PCDHGC3: variants seen among roughly 807,000 people sequenced by gnomAD.
The protein encoded by PCDHGC3 is protocadherin gamma subfamily C, 3.
PCDHGC3 carries 26 observed loss-of-function variants against 59.2 expected under a neutral mutation model. The ratio of observed to expected loss-of-function variants is 0.44; its 90% CI spans 0.32 to 0.61. The LOEUF is 0.61. Among genes scored for constraint, PCDHGC3 ranks in the 20% least tolerant of loss-of-function variants. The pLI, the probability that PCDHGC3 is intolerant of heterozygous loss-of-function variation, is 0.05. For missense variants in PCDHGC3, 1,080 were observed against 1,221.8 expected, an observed-to-expected ratio of 0.88 and a Z score of 1.73; for synonymous variants, 487 against 519.7, an observed-to-expected ratio of 0.94 and a Z score of 0.86.
chr5:141,478,332 G>A lies in PCDHGC3; in HGVS notation c.2216G>A (p.Gly739Glu), dbSNP rs773442842. 1 of 1,613,924 alleles carries A rather than the reference G, an allele frequency of 6.2e-7. No individual in the cohort carries two copies. The highest frequency in any genetic ancestry group is 8.5e-7 in the Non-Finnish European group (1 of 1,180,024). Residue 739 changes from glycine (G) to glutamate (E), a missense_variant, in exon 1 of 4, where the codon GGG becomes GAG. Transcript: ENST00000308177. ...GTGAGCTCACTGTACCGAACACCAG[G>A]GCCCTCCTTGCACGCGGACGCCGTG... Reference protein sequence around the residue: ...APVSSLYRTPGPSLHADAVRG... With the variant: ...APVSSLYRTPEPSLHADAVRG...
At position 141,500,368 on chromosome 5, in the gene PCDHGC3, C is replaced by T. The variant is rs181410708; in HGVS notation, c.2490-5025C>T. Among the ~76,000 whole-genome samples, 364 of 152,050 alleles carry T rather than the reference C, an allele frequency of 2.4e-3. 3 individuals carry two copies. The highest frequency in any genetic ancestry group is 9.2e-3 in the Admixed American group (140 of 15,274). ...GGACTACAGGCGCCCACTACCACGCCCGGCTAATTATTTTGTATTTTTAGT... is the reference window on the plus strand; with the variant it reads ...GGACTACAGGCGCCCACTACCACGCTCGGCTAATTATTTTGTATTTTTAGT... On this transcript the variant is annotated intron_variant, in intron 2 of 3. Transcript: ENST00000308177.
chr5:141,495,603 C>T (rs2099762369), intron 2 of PCDHGC3, among the ~76,000 whole-genome samples: 1 of 152,238 alleles, frequency 6.6e-6, no homozygotes, highest in Non-Finnish European at 1.5e-5. Flanking sequence ...TAGCTTCCGT[C>T]TTGATTGCTG....
intron 2 of PCDHGC3, among the ~76,000 whole-genome samples, chr5:141,497,894 A>AG (rs1562181617): frequency 2.0e-5 from 3 of 152,186 alleles, no homozygotes; most frequent in Admixed American, 6.5e-5. Context: ...GATCTAGTCC[A>AG]GTAACTTCAA....
Position 141,478,045 on chromosome 5 carries a change from T to A in PCDHGC3, c.1929T>A (p.Thr643=). ...PVQDTDSPRQ[T]LTVLIKDNGE... ...AAGACACAGATTCACCCAGGCAGAC[T>A]CTCACGGTCTTGATCAAAGACAATG... is the stretch of plus-strand genomic sequence containing the variant. The change falls in exon 1 of 4, where the codon ACT becomes ACA. Residue 643 remains threonine, a synonymous_variant. Transcript: ENST00000308177. 1 of 1,614,144 alleles carries A rather than the reference T, an allele frequency of 6.2e-7. No individual in the cohort carries two copies. Among genetic ancestry groups the A allele is most frequent in the Non-Finnish European group, 8.5e-7 (1 of 1,180,026 alleles).
intron 1 of PCDHGC3, among the ~76,000 whole-genome samples, chr5:141,482,793 C>T (rs900216099): frequency 3.9e-5 from 5 of 128,974 alleles, no homozygotes; most frequent in Non-Finnish European, 8.1e-5. Flanking sequence ...TGTGTGTGGC[C>T]GGGTACGGTG....
intron 2 of PCDHGC3, among the ~76,000 whole-genome samples, chr5:141,502,866 C>CTCTTTTTTT (rs1554188502): frequency 7.8e-6 from 1 of 128,046 alleles, no homozygotes; most frequent in African/African-American, 3.1e-5. Context: ...GACTCTCTGT[C>CTCTTTTTTT]TTTTTTTTTT....
At chr5:141,498,222 T>A (rs1258826914) in intron 2 of PCDHGC3, among the ~76,000 whole-genome samples, 1 of 152,218 alleles carries the variant, frequency 6.6e-6, no homozygotes, top group East Asian at 1.9e-4. Flanking sequence ...GCATTCCAGA[T>A]GGTCAGGCAT....
chr5:141,510,229 C>T (rs904367594), intron 3 of PCDHGC3, among the ~76,000 whole-genome samples: 3 of 150,486 alleles, frequency 2.0e-5, no homozygotes, highest in African/African-American at 7.4e-5. Context: ...GCCGGGATCG[C>T]GCCACTGCAC....
At position 141,503,509 on chromosome 5, in the gene PCDHGC3, G is replaced by A. The variant is rs373282648; in HGVS notation, c.2490-1884G>A. ...AGCTGCTCAAGAGGCTGAGGCAGGA[G>A]AATCACTTGAACCTGGGAGGCAGAG... On this transcript the variant is annotated intron_variant, in intron 2 of 3. Transcript: ENST00000308177. Among the ~76,000 whole-genome samples the A allele has an allele frequency of 9.4e-5, 14 of 149,410 alleles. No individual in the cohort carries two copies. The South Asian group carries it at 1.5e-3, about 16-fold the overall frequency.
Position 141,476,512 on chromosome 5 carries a change from T to C in PCDHGC3, c.396T>C (p.Asn132=), listed in dbSNP as rs1171240377. ...TGATCCAGGACATCAACGACAACAA[T>C]CCTGCTTTCCCTACCCAGGAAATGA... ...EVVIQDINDN[N]PAFPTQEMKL... is the part of the protein sequence containing the mutation. The change falls in exon 1 of 4, where the codon AAT becomes AAC. Residue 132 remains asparagine (N), a synonymous_variant. Transcript: ENST00000308177. This position sits in a 1 kb window ranked among gnomAD's most constrained non-coding sequence, Gnocchi z 7.6. The C allele has an allele frequency of 6.2e-7, 1 of 1,613,642 alleles. No homozygotes were observed. Among genetic ancestry groups the C allele is most frequent in the Non-Finnish European group, 8.5e-7 (1 of 1,179,940 alleles).
Position 141,490,916 on chromosome 5 carries a change from A to C in PCDHGC3, c.2431-3891A>C. 1 of 1,613,724 alleles carries C rather than the reference A, an allele frequency of 6.2e-7. No homozygotes were observed. Among genetic ancestry groups the C allele is most frequent in the Non-Finnish European group, 8.5e-7 (1 of 1,179,736 alleles). ...CATGTGTTTGTCCTAGACGAGAATG[A>C]TAATGCCCCAGCTGTGCTGCACCCA... is the stretch of plus-strand genomic sequence containing the variant. On this transcript the variant is annotated intron_variant, in intron 1 of 3. Transcript: ENST00000308177. This position sits in a 1 kb window ranked among gnomAD's most constrained non-coding sequence, Gnocchi z 5.4.
In PCDHGC3 at chr5:141,485,433, A is replaced by G. The variant is rs2099613324; in HGVS notation, c.2430+6887A>G. On this transcript the variant is annotated intron_variant, in intron 1 of 3. Transcript: ENST00000308177. The surrounding 1 kb of genome is among the most constrained non-coding windows in gnomAD (Gnocchi z 5.7). The stretch of plus-strand genomic sequence containing the variant: ...TTGGACAGCGGAGCCCTGCTCATCA[A>G]GAACCCAATCGACCGAGAGGCACTG... 6 of 1,614,208 alleles carry G rather than the reference A, an allele frequency of 3.7e-6. No homozygotes were observed. Among genetic ancestry groups the G allele is most frequent in the Non-Finnish European group, 5.1e-6 (6 of 1,180,030 alleles).
chr5:141,489,253 A>T lies in PCDHGC3; in HGVS notation c.2431-5554A>T. 1 of 1,547,506 alleles carries T rather than the reference A, an allele frequency of 6.5e-7. No individual in the cohort carries two copies. The highest frequency in any genetic ancestry group is 2.3e-5 in the East Asian group (1 of 44,418). ...GGACTTCTGGGTCATGGGGCCCAAG[A>T]CACTCCCACAGCTCGCTGGGAAATG... On this transcript the variant is annotated intron_variant, in intron 1 of 3. Coordinates refer to ENST00000308177, the MANE Select transcript of PCDHGC3 (RefSeq NM_002588.4). This position sits in a 1 kb window ranked among gnomAD's most constrained non-coding sequence, Gnocchi z 4.5.
chr5:141,486,278 G>A lies in PCDHGC3; in HGVS notation c.2430+7732G>A. The A allele has an allele frequency of 1.2e-6, 2 of 1,614,088 alleles. No individual in the cohort carries two copies. Among genetic ancestry groups the A allele is most frequent in the South Asian group, 2.2e-5 (2 of 91,068 alleles). On this transcript the variant is annotated intron_variant, in intron 1 of 3. Transcript: ENST00000308177. This position sits in a 1 kb window ranked among gnomAD's most constrained non-coding sequence, Gnocchi z 5.0. The stretch of plus-strand genomic sequence containing the variant: ...CGAGAGTGCAGAACCTGGCACTGTG[G>A]TGGCACTTATCAGTGTGCAGGATCC...
rs141397385 is a variant in PCDHGC3 at position 141,476,135 on chromosome 5, A to C, written c.19A>C (p.Arg7=). 8.4e-4 allele frequency: 1,352 copies of C among 1,608,526 alleles called. 1 individual carries two copies. Among genetic ancestry groups the C allele is most frequent in the Non-Finnish European group, 1.1e-3 (1,319 of 1,178,332 alleles). The change falls in exon 1 of 4, where the codon AGG becomes CGG. Residue 7 remains arginine, a synonymous_variant. Transcript: ENST00000308177. This position sits in a 1 kb window ranked among gnomAD's most constrained non-coding sequence, Gnocchi z 7.6. MVPEAW[R]SGLVSTGRVV... is the part of the protein sequence containing the mutation. ...GAGTGAGATGGTCCCAGAGGCCTGG[A>C]GGAGCGGACTGGTAAGCACCGGGAG...
chr5:141,481,679 C>T (rs2099541734), intron 1 of PCDHGC3, among the ~76,000 whole-genome samples: 1 of 151,948 alleles, frequency 6.6e-6, no homozygotes, highest in Non-Finnish European at 1.5e-5. Context: ...TCAGGCCGGG[C>T]CTGGTGGCTC....
At chr5:141,478,941 A>C (rs889484528) in intron 1 of PCDHGC3, 9 of 589,470 alleles carry the variant, frequency 1.5e-5, no homozygotes, top group Non-Finnish European at 2.0e-5. Context: ...TTCTAGGAAT[A>C]CAAAAACTAC....
In PCDHGC3 at chr5:141,485,354, G is replaced by C; in HGVS notation, c.2430+6808G>C. 7 of 1,614,176 alleles carry C rather than the reference G, an allele frequency of 4.3e-6. No homozygotes were observed. Among genetic ancestry groups the C allele is most frequent in the Non-Finnish European group, 5.1e-6 (6 of 1,180,024 alleles). Reference sequence around the variant, plus strand: ...CCTGCTGGATACGGACAGTCTGTCAGCTCGCAGGCTGCAGGTCGCTGGAGA... The same window carrying C: ...CCTGCTGGATACGGACAGTCTGTCACCTCGCAGGCTGCAGGTCGCTGGAGA... On this transcript the variant is annotated intron_variant, in intron 1 of 3. Transcript: ENST00000308177. This position sits in a 1 kb window ranked among gnomAD's most constrained non-coding sequence, Gnocchi z 5.7.
intron 2 of PCDHGC3, among the ~76,000 whole-genome samples, chr5:141,502,828 G>T (rs928458403): frequency 6.6e-6 from 1 of 150,704 alleles, no homozygotes; most frequent in Non-Finnish European, 1.5e-5. Context: ...CCTTGGGGAA[G>T]CCTGGACTGG....
Sources: gnomAD v4.1 joint callset for allele counts (sites outside exome capture counted in the v4.1 genomes callset) on GRCh38, gnomAD v4.1.1 for gene constraint, Gnocchi (gnomAD v3.1) non-coding constraint, MANE v1.5 for transcripts, NCBI Gene and HGNC (gene_info 2026-07-23, HGNC 2026-07-21) for gene names.